The following DGKI variants were observed in gnomAD, a reference collection of about 807,000 sequenced individuals.
DGKI encodes DAG kinase iota.
DGKI carries 55 observed loss-of-function variants against 147.5 expected under a neutral mutation model. The ratio of observed to expected loss-of-function variants is 0.37; its 90% confidence interval spans 0.30 to 0.47. DGKI has a LOEUF of 0.47. Ranked by LOEUF, DGKI falls within the 20% of genes least tolerant of loss-of-function variation. The pLI, the probability that DGKI is intolerant of heterozygous loss-of-function variation, is 1.00. For synonymous variants in DGKI, 469 were observed against 477.1 expected, an observed-to-expected ratio of 0.98 and a Z score of 0.22; for missense variants, 1,007 against 1,323.8, an observed-to-expected ratio of 0.76 and a Z score of 3.71.
chr7:137,438,728 T>C (rs528864620), intron 28 of DGKI, among the ~76,000 whole-genome samples: 1 of 152,272 alleles, frequency 6.6e-6, no homozygotes, highest in Admixed American at 6.5e-5. Flanking sequence ...TGGTATATAC[T>C]CATACAATAG....
chr7:137,578,441 T>C, intron 15 of DGKI, 116 bp from the exon 16 acceptor site: 2 of 730,880 alleles, frequency 2.7e-6, no homozygotes, highest in Non-Finnish European at 4.8e-6. Flanking sequence ...ATAGATCCCA[T>C]GGTTTGGTTA....
chr7:137,679,407 T>G (rs1356818158), intron 2 of DGKI, among the ~76,000 whole-genome samples: 2 of 148,662 alleles, frequency 1.3e-5, no homozygotes, highest in African/African-American at 2.6e-5. Flanking sequence ...GCAAACTGTT[T>G]TTTTTTTTTT....
chr7:137,559,959 A>G (rs1456382006), intron 19 of DGKI, among the ~76,000 whole-genome samples: 3 of 152,248 alleles, frequency 2.0e-5, no homozygotes, highest in Non-Finnish European at 4.4e-5. Context: ...TACCCTATCC[A>G]TCTTTTAATA....
Position 137,513,982 on chromosome 7 carries a change from G to T in DGKI, c.2248+7884C>A, listed in dbSNP as rs571838524. On this transcript the variant is annotated intron_variant, in intron 21 of 32. Coordinates refer to ENST00000614521, the MANE Select transcript of DGKI (RefSeq NM_001321708.2). ...TGGAGGCCACAGGAGCAGAAACATG[G>T]AATGCCAGACGCTGGGGATGCTGGT... The T allele has an allele frequency of 4.4e-5, 30 of 683,572 alleles. 1 individual carries two copies. Among genetic ancestry groups the T allele is most frequent in the South Asian group, 4.4e-4 (29 of 66,428 alleles). The allele number at this position is 683,572 out of a possible 1,614,324, so 42.3% of individuals were successfully genotyped here.
chr7:137,468,415 A>G (rs1180825404), intron 24 of DGKI, among the ~76,000 whole-genome samples: 2 of 152,210 alleles, frequency 1.3e-5, no homozygotes, highest in Non-Finnish European at 2.9e-5. Context: ...ATATTTTCAT[A>G]ATTTTCTCAA....
At position 137,617,124 on chromosome 7, in the gene DGKI, CAAAAAAAAAAAAA is replaced by C. The variant is rs60654879; in HGVS notation, c.993+2687_993+2699del. 2.7e-4 allele frequency among the ~76,000 whole-genome samples: 13 copies of C among 48,134 alleles called. No individual in the cohort carries two copies. The East Asian group carries it at 3.7e-3, about 14-fold the overall frequency. 31.6% of individuals were successfully genotyped at this position (48,134 alleles called of 152,430 possible). On this transcript the variant is annotated intron_variant, in intron 8 of 32. Coordinates refer to ENST00000614521, the MANE Select transcript of DGKI (RefSeq NM_001321708.2). ...TGTACTGCCAGTGTATCCCTTTTACCAAAAAAAAAAAAAAAAAAAAAAAAAAAAATTAAACCTA... is the reference window on the plus strand; with the variant it reads ...TGTACTGCCAGTGTATCCCTTTTACCAAAAAAAAAAAAAAAATTAAACCTA...
intron 8 of DGKI, among the ~76,000 whole-genome samples, chr7:137,615,531 A>ATGTGTGTGTGTGTGTG (rs5887846): frequency 7.4e-6 from 1 of 135,760 alleles, no homozygotes; most frequent in Admixed American, 7.1e-5. Flanking sequence ...ATATGTATGT[A>ATGTGTGTGTGTGTGTG]TGTGTGTGTG....
rs1362152193 is a variant in DGKI at position 137,456,439 on chromosome 7, T to C, written c.2735+7050A>G. Among the ~76,000 whole-genome samples, 4 of 152,326 alleles carry C rather than the reference T, an allele frequency of 2.6e-5. No homozygotes were observed. In the South Asian group the frequency reaches 6.2e-4, roughly 24 times the overall value. ...GCACCTTTTCTATCAAGGGATGTTC[T>C]ATGAATGGAACATCCTTCTATTCAT... On this transcript the variant is annotated intron_variant, in intron 27 of 32. Coordinates refer to ENST00000614521, the MANE Select transcript of DGKI (RefSeq NM_001321708.2).
chr7:137,713,102 A>C (rs906312022), intron 1 of DGKI, among the ~76,000 whole-genome samples: 13 of 152,206 alleles, frequency 8.5e-5, no homozygotes, highest in African/African-American at 3.1e-4. Flanking sequence ...TGGATATCTA[A>C]ATCTGATTTC....
chr7:137,716,995 C>T (rs1794395724), intron 1 of DGKI, among the ~76,000 whole-genome samples: 1 of 152,210 alleles, frequency 6.6e-6, no homozygotes, highest in African/African-American at 2.4e-5. Context: ...GGGCTTTTAT[C>T]TTTTCTTATG....
At position 137,577,214 on chromosome 7, in the gene DGKI, A is replaced by G. The variant is rs754931458; in HGVS notation, c.1761+8T>C. On this transcript the variant is annotated splice_region_variant and intron_variant, in intron 17 of 32. Coordinates refer to ENST00000614521, the MANE Select transcript of DGKI (RefSeq NM_001321708.2). ...CAAATTAAATAAATCAACATATTCA[A>G]TACTTACAACAACTTTAACATGTTT... 2 of 1,576,294 alleles carry G rather than the reference A, an allele frequency of 1.3e-6. No individual in the cohort carries two copies. Among genetic ancestry groups the G allele is most frequent in the Non-Finnish European group, 8.7e-7 (1 of 1,153,078 alleles).
chr7:137,544,542 T>C (rs1014054138), intron 20 of DGKI, among the ~76,000 whole-genome samples: 1 of 152,158 alleles, frequency 6.6e-6, no homozygotes, highest in African/African-American at 2.4e-5. Context: ...TAAATACATA[T>C]TTTAAATAAT....
chr7:137,668,135 G>A (rs879794136), intron 3 of DGKI, among the ~76,000 whole-genome samples: 1 of 152,172 alleles, frequency 6.6e-6, no homozygotes, highest in Non-Finnish European at 1.5e-5. Flanking sequence ...TAACCTGGGG[G>A]ACCAAGACTG....
chr7:137,599,366 T>TTC (rs1016148451), intron 11 of DGKI, among the ~76,000 whole-genome samples: 5 of 151,728 alleles, frequency 3.3e-5, no homozygotes, highest in Non-Finnish European at 7.4e-5. Context: ...AATCAATTGA[T>TTC]TCTCTCTCTC....
At chr7:137,617,354 C>T (rs1199538090) in intron 8 of DGKI, among the ~76,000 whole-genome samples, 3 of 151,936 alleles carry the variant, frequency 2.0e-5, no homozygotes, top group African/African-American at 7.3e-5. Context: ...CTAAGGGAAG[C>T]TTAAGAACTA....
intron 19 of DGKI, among the ~76,000 whole-genome samples, chr7:137,553,771 G>A (rs138680865): frequency 3.3e-5 from 5 of 152,136 alleles, no homozygotes; most frequent in Non-Finnish European, 7.4e-5. Context: ...CACACCTCCC[G>A]CCAACTGACT....
Position 137,609,078 on chromosome 7 carries a change from T to C in DGKI, c.1069-14A>G. 6.2e-7 allele frequency: 1 copy of C among 1,604,514 alleles called. No individual in the cohort carries two copies. Among genetic ancestry groups the C allele is most frequent in the Non-Finnish European group, 8.5e-7 (1 of 1,171,596 alleles). On this transcript the variant is annotated splice_polypyrimidine_tract_variant and intron_variant, in intron 9 of 32. Coordinates refer to ENST00000614521, the MANE Select transcript of DGKI (RefSeq NM_001321708.2). ...TTTGTTTTCCTGCTGAAAGAAGCAA[T>C]CAGCACTGTTAGGATACACATCCAT...
chr7:137,628,463 C>T (rs972094277), intron 6 of DGKI, among the ~76,000 whole-genome samples: 2 of 152,152 alleles, frequency 1.3e-5, no homozygotes, highest in South Asian at 2.1e-4. Context: ...ACCAAGTTCC[C>T]ATTAAACCAC....
At position 137,439,341 on chromosome 7, in the gene DGKI, T is replaced by C. The variant is rs544555796; in HGVS notation, c.2761+4736A>G. On this transcript the variant is annotated intron_variant, in intron 28 of 32. Coordinates refer to ENST00000614521, the MANE Select transcript of DGKI (RefSeq NM_001321708.2). ...TAAAGACATACTCAAGACTGCATAATTTATAAAGGAAAGAGGTTTAATGGA... is the reference window on the plus strand; with the variant it reads ...TAAAGACATACTCAAGACTGCATAACTTATAAAGGAAAGAGGTTTAATGGA... Among the ~76,000 whole-genome samples, 6 of 152,240 alleles carry C rather than the reference T, an allele frequency of 3.9e-5. No homozygotes were observed. The East Asian group carries it at 1.2e-3, about 29-fold the overall frequency.
Sources: allele counts gnomAD v4.1 joint callset (sites outside exome capture counted in the v4.1 genomes callset), GRCh38; gene constraint gnomAD v4.1.1; transcripts MANE v1.5; gene names NCBI Gene and HGNC (gene_info 2026-07-23, HGNC 2026-07-21).